Variants in NDUFA7 observed in about 807,000 individuals in gnomAD.
NDUFA7 encodes NADH:ubiquinone oxidoreductase subunit A7, also known as NADH dehydrogenase [ubiquinone] 1 alpha subcomplex subunit 7.
In NDUFA7, 18 loss-of-function variants were observed where a neutral mutation model predicts 14.2. That is an observed-to-expected ratio of 1.27 (90% CI 0.88 to 1.88). NDUFA7 has a LOEUF of 1.88. Ranked by LOEUF, NDUFA7 falls within the 40% of genes most tolerant of loss-of-function variation. The pLI, the probability that NDUFA7 is intolerant of heterozygous loss-of-function variation, is 0.00. For synonymous variants in NDUFA7, 75 were observed against 62.1 expected (o/e 1.21, Z -0.98); for missense variants, 172 against 147.3 (o/e 1.17, Z -0.87).
chr19:8,313,743 C>T (rs1484848916), intron 3 of NDUFA7, among the ~76,000 whole-genome samples: 4 of 152,228 alleles, frequency 2.6e-5, no homozygotes, highest in African/African-American at 2.4e-5. Context: ...CTTACTGCTG[C>T]CTGTGTGGCC....
rs375994897 is a variant in NDUFA7 at position 8,316,628 on chromosome 19, T to C, written c.119A>G (p.Lys40Arg). ...CTTGTGGCTAGGACCCACAGGGAGC[T>C]TGGGAGGAGGCTGAGTTCTGAGGGG... ...EISKRTQPPPKLPVGPSHKLS... is the reference protein window; with the variant it reads ...EISKRTQPPPRLPVGPSHKLS... Residue 40 changes from lysine to arginine, a missense_variant, in exon 3 of 4, where the codon AAG becomes AGG. Physicochemically the swap from Lys to Arg is conservative, Grantham distance 26. Coordinates refer to ENST00000301457, the MANE Select transcript of NDUFA7 (RefSeq NM_005001.5). 10 of 1,613,766 alleles carry C rather than the reference T, an allele frequency of 6.2e-6. No homozygotes were observed. Among genetic ancestry groups the C allele is most frequent in the Non-Finnish European group, 7.6e-6 (9 of 1,179,940 alleles).
chr19:8,320,824 C>G, intron 2 of NDUFA7, 33 bp downstream of exon 2: 2 of 1,613,462 alleles, frequency 1.2e-6, no homozygotes, highest in Non-Finnish European at 1.7e-6. Flanking sequence ...AAGGACAGAG[C>G]CAGAGGCTGG....
intron 3 of NDUFA7, among the ~76,000 whole-genome samples, chr19:8,314,727 C>T (rs1196792174): frequency 6.6e-6 from 1 of 152,214 alleles, no homozygotes; most frequent in African/African-American, 2.4e-5. Flanking sequence ...TCCTGGCTAA[C>T]ACGGTGAAAC....
chr19:8,314,076 C>T (rs1031788567), intron 3 of NDUFA7, among the ~76,000 whole-genome samples: 5 of 152,234 alleles, frequency 3.3e-5, no homozygotes, highest in African/African-American at 9.6e-5. Context: ...AATTCCAGCA[C>T]TTTGGGAGGC....
At chr19:8,314,218 G>A (rs1374240277) in intron 3 of NDUFA7, among the ~76,000 whole-genome samples, 1 of 152,220 alleles carries the variant, frequency 6.6e-6, no homozygotes, top group Non-Finnish European at 1.5e-5. Context: ...CTACTTGGGA[G>A]GCTGAGGCAG....
intron 3 of NDUFA7, among the ~76,000 whole-genome samples, chr19:8,313,181 G>A (rs182424078): frequency 1.2e-4 from 18 of 151,390 alleles, no homozygotes; most frequent in Admixed American, 1.1e-3. Context: ...TCAGCTTCCC[G>A]AGTCACTGGG....
At chr19:8,314,956 T>TC (rs1367310038) in intron 3 of NDUFA7, among the ~76,000 whole-genome samples, 13 of 152,188 alleles carry the variant, frequency 8.5e-5, no homozygotes, top group Non-Finnish European at 1.3e-4. Flanking sequence ...CATAAGAGAC[T>TC]CCATTTTAAT....
At chr19:8,316,758 A>G in intron 2 of NDUFA7, 113 bp from the exon 3 acceptor site, 1 of 1,322,364 alleles carries the variant, frequency 7.6e-7, no homozygotes, top group South Asian at 1.3e-5. Context: ...AGCCACTGGG[A>G]TAAGCCACAG....
intron 1 of NDUFA7, 143 bp downstream of exon 1, chr19:8,321,165 A>C (rs1430067243): frequency 9.0e-7 from 1 of 1,109,580 alleles, no homozygotes; most frequent in African/African-American, 1.6e-5. Flanking sequence ...TCCCGGGCTG[A>C]AGGGGTGACT....
At chr19:8,316,155 AAAAAAAAAAAAAAAATTGACCC>A (rs1292667400) in intron 3 of NDUFA7, among the ~76,000 whole-genome samples, 1 of 151,434 alleles carries the variant, frequency 6.6e-6, no homozygotes, top group Non-Finnish European at 1.5e-5. Flanking sequence ...TCTCAAAAAA[AAAAAAAAAAAAAAAATTGACCC>A]AGCATGGTGG....
chr19:8,311,990 T>G (rs1375445690), intron 3 of NDUFA7, among the ~76,000 whole-genome samples: 1 of 152,224 alleles, frequency 6.6e-6, no homozygotes, highest in African/African-American at 2.4e-5. Context: ...GGCCTCCAGC[T>G]ATTCCTGCCT....
At chr19:8,317,391 C>A (rs1970248173) in intron 2 of NDUFA7, among the ~76,000 whole-genome samples, 1 of 152,096 alleles carries the variant, frequency 6.6e-6, no homozygotes, top group Admixed American at 6.6e-5. Flanking sequence ...ACACTGCAAA[C>A]CCCATCTCTA....
At chr19:8,309,514 T>C (rs533946545), downstream of NDUFA7, among the ~76,000 whole-genome samples, 87 of 152,156 alleles carry the variant, frequency 5.7e-4, no homozygotes, top group African/African-American at 2.1e-3. Context: ...TTGGTTCAGA[T>C]GCCGTCAGCG....
At position 8,311,593 on chromosome 19, in the gene NDUFA7, G is replaced by A. The variant is rs780395580; in HGVS notation, c.254C>T (p.Ser85Phe). 2.5e-6 allele frequency: 4 copies of A among 1,611,444 alleles called. No individual in the cohort carries two copies. In the African/African-American group the frequency reaches 4.0e-5, roughly 16 times the overall value. ...CTTCTTCTCAGTGGCAGCTACAGCAGAGCTGGAGGAGGGAAAGACTTCAGT... is the reference window on the plus strand; with the variant it reads ...CTTCTTCTCAGTGGCAGCTACAGCAAAGCTGGAGGAGGGAAAGACTTCAGT... ...ALVSGKPAES[S>F]AVAATEKKAV... is the part of the protein sequence containing the mutation. The change falls in exon 4 of 4, where the codon TCT becomes TTT. Residue 85 changes from serine (S) to phenylalanine (F), a missense_variant and splice_region_variant. Transcript: ENST00000301457.
intron 2 of NDUFA7, 150 bp from the exon 3 acceptor site, chr19:8,316,795 C>A: frequency 1.1e-6 from 1 of 886,126 alleles, no homozygotes; most frequent in Non-Finnish European, 1.7e-6. Flanking sequence ...GGTACACTGG[C>A]AGGGACATAT....
intron 2 of NDUFA7, among the ~76,000 whole-genome samples, chr19:8,319,116 G>A (rs1970270290): frequency 6.6e-6 from 1 of 151,668 alleles, no homozygotes; most frequent in East Asian, 1.9e-4. Context: ...GGGGGTCGGG[G>A]GTTGGGGGGG....
downstream of NDUFA7, among the ~76,000 whole-genome samples, chr19:8,309,921 G>C (rs952244939): frequency 6.6e-6 from 1 of 152,170 alleles, no homozygotes; most frequent in Non-Finnish European, 1.5e-5. Context: ...CCTTCCTTCT[G>C]GGGCGAATTC....
At chr19:8,319,849 CTTT>C (rs1177149748) in intron 2 of NDUFA7, among the ~76,000 whole-genome samples, 2 of 151,812 alleles carry the variant, frequency 1.3e-5, no homozygotes, top group African/African-American at 4.8e-5. Context: ...AATGTTTTTT[CTTT>C]TTTATTTTTT....
chr19:8,316,928 C>T, intron 2 of NDUFA7: 1 of 299,238 alleles, frequency 3.3e-6, no homozygotes, highest in African/African-American at 2.2e-5. Flanking sequence ...TTCTGAGGCT[C>T]CCAAGGCCCG....
Sources: allele counts gnomAD v4.1 joint callset (sites outside exome capture counted in the v4.1 genomes callset), GRCh38; gene constraint gnomAD v4.1.1; transcripts MANE v1.5; gene names NCBI Gene and HGNC (gene_info 2026-07-23, HGNC 2026-07-21).